Variants in DGKI observed in about 807,000 individuals in gnomAD.
The protein encoded by DGKI is DAG kinase iota.
In DGKI, 55 loss-of-function variants were observed where a neutral mutation model predicts 147.5. That is an observed-to-expected ratio of 0.37 (90% confidence interval 0.30 to 0.47). DGKI has a LOEUF of 0.47. Among genes scored for constraint, DGKI ranks in the 20% least tolerant of loss-of-function variants. The pLI, the probability that DGKI is intolerant of heterozygous loss-of-function variation, is 1.00. For synonymous variants in DGKI, 469 were observed against 477.1 expected (o/e 0.98, Z 0.22); for missense variants, 1,007 against 1,323.8 (o/e 0.76, Z 3.71).
intron 5 of DGKI, among the ~76,000 whole-genome samples, chr7:137,649,359 G>T (rs545502253): frequency 6.6e-6 from 1 of 152,184 alleles, no homozygotes; most frequent in East Asian, 1.9e-4. Context: ...TTGGATTCAG[G>T]ATCCTTAACA....
rs893213081 is a variant in DGKI at position 137,456,006 on chromosome 7, G to A, written c.2735+7483C>T. On this transcript the variant is annotated intron_variant, in intron 27 of 32. Transcript: ENST00000614521. ...TAAGACAGACACACTGAGAAAACAA[G>A]AGTGTTGGTGGAAGTTGGAGAATGC... 3.3e-5 allele frequency among the ~76,000 whole-genome samples: 5 copies of A among 152,150 alleles called. No individual in the cohort carries two copies. In the East Asian group the frequency reaches 7.7e-4, roughly 23 times the overall value.
chr7:137,557,808 C>A (rs913271354), intron 19 of DGKI, among the ~76,000 whole-genome samples: 1 of 152,106 alleles, frequency 6.6e-6, no homozygotes, highest in Non-Finnish European at 1.5e-5. Flanking sequence ...CTAGTTCTGC[C>A]GTATGACCCT....
intron 28 of DGKI, among the ~76,000 whole-genome samples, chr7:137,431,148 A>C (rs1238778635): frequency 6.6e-6 from 1 of 152,196 alleles, no homozygotes; most frequent in Non-Finnish European, 1.5e-5. Context: ...TAGCTAAAGA[A>C]GATTGGGTGA....
intron 1 of DGKI, chr7:137,722,416 A>C (rs878940089): frequency 4.6e-5 from 74 of 1,612,196 alleles, no homozygotes; most frequent in Middle Eastern, 3.3e-4. Flanking sequence ...GCGAGCCAGC[A>C]TTACCCCCGG....
intron 28 of DGKI, among the ~76,000 whole-genome samples, chr7:137,426,311 T>C (rs1218829082): frequency 1.3e-5 from 2 of 152,008 alleles, no homozygotes; most frequent in Non-Finnish European, 1.5e-5. Context: ...GCTTCATAAG[T>C]GAAGGAGAAA....
chr7:137,801,824 T>C (rs984413384), intron 1 of DGKI, among the ~76,000 whole-genome samples: 4 of 152,120 alleles, frequency 2.6e-5, no homozygotes, highest in African/African-American at 9.7e-5. Flanking sequence ...CCAAAAGAAT[T>C]GCAGCCCTCA....
Position 137,479,009 on chromosome 7 carries a change from T to G in DGKI, c.2373+6365A>C, listed in dbSNP as rs369473936. On this transcript the variant is annotated intron_variant, in intron 23 of 32. Coordinates refer to ENST00000614521, the MANE Select transcript of DGKI (RefSeq NM_001321708.2). ...CAGCTATATTTCCCTGAGCTGTGCC[T>G]CTAACCATCATATCCAAAGCTTTCA... Among the ~76,000 whole-genome samples, 11 of 152,344 alleles carry G rather than the reference T, an allele frequency of 7.2e-5. No homozygotes were observed. The East Asian group carries it at 2.1e-3, about 29-fold the overall frequency.
At chr7:137,529,250 T>C (rs113717659) in intron 20 of DGKI, among the ~76,000 whole-genome samples, 5 of 152,272 alleles carry the variant, frequency 3.3e-5, no homozygotes, top group African/African-American at 1.2e-4. Flanking sequence ...TGGTGATAGA[T>C]ACCCTAAAAG....
rs3823551 is a variant in DGKI at position 137,707,382 on chromosome 7, C to T, written c.402-17380G>A. ...TCTTGGACTGATGGTAGCTTTAGTG[C>T]GCTCCATTGACCCACACAGCTCTCC... On this transcript the variant is annotated intron_variant, in intron 1 of 32. Transcript: ENST00000614521. 3.2e-4 allele frequency among the ~76,000 whole-genome samples: 48 copies of T among 152,320 alleles called. No homozygotes were observed. In the Middle Eastern group the frequency reaches 0.014, roughly 43 times the overall value.
chr7:137,399,328 C>T (rs370297608), intron 30 of DGKI, among the ~76,000 whole-genome samples: 3 of 152,066 alleles, frequency 2.0e-5, no homozygotes, highest in East Asian at 1.9e-4. Flanking sequence ...AGCACCTACC[C>T]TATATTAAGG....
intron 21 of DGKI, among the ~76,000 whole-genome samples, chr7:137,493,520 C>A (rs982870281): frequency 5.9e-5 from 9 of 152,146 alleles, no homozygotes; most frequent in African/African-American, 2.2e-4. Flanking sequence ...AAAATGAGCC[C>A]ACCAGAGTTA....
intron 22 of DGKI, 98 bp downstream of exon 22, chr7:137,487,512 C>G: frequency 9.1e-7 from 1 of 1,094,286 alleles, no homozygotes; most frequent in South Asian, 1.3e-5. Flanking sequence ...TCCACTTCCT[C>G]TCCAAATGCA....
intron 28 of DGKI, among the ~76,000 whole-genome samples, chr7:137,414,375 T>C (rs980781639): frequency 6.6e-6 from 1 of 152,190 alleles, no homozygotes; most frequent in African/African-American, 2.4e-5. Flanking sequence ...TAACAAGCTA[T>C]AAGCAGCATC....
intron 20 of DGKI, among the ~76,000 whole-genome samples, chr7:137,522,964 T>A (rs1267314431): frequency 3.9e-5 from 6 of 152,220 alleles, no homozygotes; most frequent in African/African-American, 1.4e-4. Flanking sequence ...AAGTCACCAC[T>A]GACTAACGTC....
intron 28 of DGKI, among the ~76,000 whole-genome samples, chr7:137,439,545 G>T (rs1400686450): frequency 1.3e-5 from 2 of 152,166 alleles, no homozygotes; most frequent in African/African-American, 2.4e-5. Context: ...GGGGGAAACT[G>T]CTCCATGATT....
intron 1 of DGKI, among the ~76,000 whole-genome samples, chr7:137,805,746 T>C (rs990201605): frequency 6.6e-6 from 1 of 152,226 alleles, no homozygotes; most frequent in Non-Finnish European, 1.5e-5. Context: ...ATTCCACTTG[T>C]TCTCAGATGG....
chr7:137,595,327 A>G (rs1343849313), intron 12 of DGKI, among the ~76,000 whole-genome samples: 1 of 152,174 alleles, frequency 6.6e-6, no homozygotes. Flanking sequence ...GATTGTACCA[A>G]CTTTCACTTA....
chr7:137,631,005 T>C (rs1347525395), intron 6 of DGKI, among the ~76,000 whole-genome samples: 3 of 152,156 alleles, frequency 2.0e-5, no homozygotes, highest in Non-Finnish European at 4.4e-5. Flanking sequence ...AAAAAAAGAC[T>C]AGTTAAAATA....
chr7:137,743,439 C>A (rs115364861), intron 1 of DGKI, among the ~76,000 whole-genome samples: 2,799 of 152,162 alleles, frequency 0.018, 87 homozygotes, highest in African/African-American at 0.063. Flanking sequence ...TCTTCTTGGA[C>A]CATAGAGGGA....
Sources: allele counts gnomAD v4.1 joint callset (sites outside exome capture counted in the v4.1 genomes callset), GRCh38; gene constraint gnomAD v4.1.1; transcripts MANE v1.5; gene names NCBI Gene and HGNC (gene_info 2026-07-23, HGNC 2026-07-21).